BMP1: variants seen among roughly 807,000 people sequenced by gnomAD.
The protein encoded by BMP1 is mammalian tolloid protein.
In BMP1, 63 loss-of-function variants were observed where a neutral mutation model predicts 116.8. The observed-to-expected ratio is 0.54, with a 90% CI of 0.44 to 0.67. The LOEUF is 0.67. Ranked by LOEUF, BMP1 falls within the 30% of genes least tolerant of loss-of-function variation. The pLI, the probability that BMP1 is intolerant of heterozygous loss-of-function variation, is 0.00. For missense variants in BMP1, 1,183 were observed against 1,358.9 expected, an observed-to-expected ratio of 0.87 and a Z score of 2.04; for synonymous variants, 536 against 533.4, an observed-to-expected ratio of 1.00 and a Z score of -0.07.
intron 16 of BMP1, among the ~76,000 whole-genome samples, chr8:22,203,099 C>A (rs1399497532): frequency 6.6e-6 from 1 of 152,204 alleles, no homozygotes; most frequent in African/African-American, 2.4e-5. Context: ...CTTGATACCT[C>A]ACAGGCCCGC....
At chr8:22,176,091 G>T in intron 2 of BMP1, 52 bp from the exon 3 acceptor site, 2 of 1,576,630 alleles carry the variant, frequency 1.3e-6, no homozygotes. Flanking sequence ...CTATGCTTTT[G>T]CTTTCCTCCT....
chr8:22,204,750 G>GA (rs1350327697), intron 16 of BMP1, among the ~76,000 whole-genome samples: 5 of 98,226 alleles, frequency 5.1e-5, no homozygotes, highest in Non-Finnish European at 9.8e-5. Flanking sequence ...CCCGCAAAAA[G>GA]AAATTGAGTT....
chr8:22,195,039 T>G, intron 12 of BMP1, 120 bp downstream of exon 12: 1 of 1,150,288 alleles, frequency 8.7e-7, no homozygotes, highest in South Asian at 1.6e-5. Flanking sequence ...ACCCCAGGGC[T>G]GTGCCCTTAA....
At chr8:22,196,071 A>T (rs954105685) in intron 13 of BMP1, 14 of 403,850 alleles carry the variant, frequency 3.5e-5, no homozygotes, top group African/African-American at 2.9e-4. Flanking sequence ...GTCCCCCCGT[A>T]GGCCGCATTC....
At position 22,206,883 on chromosome 8, in the gene BMP1, A is replaced by G. The variant is rs1431200793; in HGVS notation, c.2263A>G (p.Ser755Gly). The G allele has an allele frequency of 1.9e-6, 3 of 1,614,150 alleles. No homozygotes were observed. Among genetic ancestry groups the G allele is most frequent in the South Asian group, 2.2e-5 (2 of 91,076 alleles). Residue 755 changes from serine to glycine, a missense_variant, in exon 17 of 20, where the codon AGT becomes GGT. By Grantham distance (56) the Ser-to-Gly change is moderately conservative. This residue lies in a region of BMP1 where 956 missense variants were observed against 1,135.2 expected (regional missense o/e 0.84). Coordinates refer to ENST00000306385, the MANE Select transcript of BMP1 (RefSeq NM_006129.5). ...CTGTGACCACAAGGTGACATCCACC[A>G]GTGGTACCATCACCAGCCCCAACTG... ...AGCDHKVTST[S>G]GTITSPNWPD...
Position 22,176,153 on chromosome 8 carries a change from C to T in BMP1, c.273C>T (p.Asn91=), listed in dbSNP as rs1230145882. ...KSSIKAAVPG[N]TSTPSCQSTN... ...GACTTCCTCTCTCAGTTCCAGGAAA[C>T]ACTTCTACCCCCAGCTGCCAGAGCA... The change falls in exon 3 of 20, where the codon AAC becomes AAT. Residue 91 remains asparagine (N), a synonymous_variant. Coordinates refer to ENST00000306385, the MANE Select transcript of BMP1 (RefSeq NM_006129.5). The T allele has an allele frequency of 6.2e-7, 1 of 1,614,130 alleles. No homozygotes were observed. The highest frequency in any genetic ancestry group is 8.5e-7 in the Non-Finnish European group (1 of 1,180,018).
At chr8:22,197,753 A>G (rs1829134061) in intron 15 of BMP1, among the ~76,000 whole-genome samples, 1 of 152,344 alleles carries the variant, frequency 6.6e-6, no homozygotes, top group African/African-American at 2.4e-5. Context: ...GGTCCTAGGA[A>G]CAGGCAGTTC....
At chr8:22,186,938 G>A (rs549983981) in intron 8 of BMP1, among the ~76,000 whole-genome samples, 1 of 152,298 alleles carries the variant, frequency 6.6e-6, no homozygotes, top group Non-Finnish European at 1.5e-5. Context: ...ATCATGTAGT[G>A]AGAACCCAAC....
In BMP1 at chr8:22,201,656, C is replaced by T. The variant is rs1001237572; in HGVS notation, c.2108-147C>T. On this transcript the variant is annotated intron_variant, in intron 15 of 19. Coordinates refer to ENST00000306385, the MANE Select transcript of BMP1 (RefSeq NM_006129.5). ...TGGACCCCCTTGTCGCCTGGCCTCC[C>T]ACTCCCGGCCACCTGGCCTGGCCAG... The T allele has an allele frequency of 1.4e-5, 20 of 1,410,224 alleles. No homozygotes were observed. The Admixed American group carries it at 2.9e-4, about 21-fold the overall frequency. 87.4% of individuals were successfully genotyped at this position (1,410,224 alleles called of 1,614,324 possible). A position where few individuals can be genotyped will look rare whatever the true frequency, so the allele number is the denominator to read the frequency against.
rs1031430951 is a variant in BMP1, at chr8:22,208,440, G to A, written c.2575+924G>A. On this transcript the variant is annotated intron_variant, in intron 18 of 19. Transcript: ENST00000306385. ...CGCAGTCCAGGAGAGAGACAAGGCA[G>A]GCACCGCCCGTGACAGCATGAGCCC... 4.6e-5 allele frequency among the ~76,000 whole-genome samples: 7 copies of A among 152,358 alleles called. No individual in the cohort carries two copies. The East Asian group carries it at 1.4e-3, about 29-fold the overall frequency.
chr8:22,195,604 T>C lies in BMP1; in HGVS notation c.1765+17T>C. 4 of 1,607,398 alleles carry C rather than the reference T, an allele frequency of 2.5e-6. No homozygotes were observed. The highest frequency in any genetic ancestry group is 3.4e-6 in the Non-Finnish European group (4 of 1,178,416). On this transcript the variant is annotated intron_variant, in intron 13 of 19. Transcript: ENST00000306385. ...GCTGTGAGGGTGAGTGCCCCCAGAC[T>C]GCCTCTGACCCTGTTCTTTCCCTGG...
In BMP1 at chr8:22,208,928, T is replaced by A. The variant is rs1180528345; in HGVS notation, c.2576-517T>A. On this transcript the variant is annotated intron_variant, in intron 18 of 19. Transcript: ENST00000306385. The stretch of plus-strand genomic sequence containing the variant: ...AGGAGGGTGGCCCCATGCACTGTCC[T>A]CTGCCCTTCCCAGCACAGGGTCACA... Among the ~76,000 whole-genome samples, 3 of 152,338 alleles carry A rather than the reference T, an allele frequency of 2.0e-5. 1 individual carries two copies. The highest frequency in any genetic ancestry group is 3.4e-3 in the Middle Eastern group (1 of 294).
At chr8:22,207,604 C>T (rs567628955) in intron 18 of BMP1, 88 bp downstream of exon 18, 19 of 1,455,490 alleles carry the variant, frequency 1.3e-5, no homozygotes, top group Non-Finnish European at 1.8e-5. Context: ...TATGAAGGTA[C>T]AGAGGGACTG....
chr8:22,201,947 G>T lies in BMP1; in HGVS notation c.2233+19G>T. 1.2e-6 allele frequency: 2 copies of T among 1,601,366 alleles called. No homozygotes were observed. Among genetic ancestry groups the T allele is most frequent in the Non-Finnish European group, 8.5e-7 (1 of 1,173,146 alleles). ...AAAGAAGGTACGGGCTGCATGCCAG[G>T]GGCATCTGGGCTTGAAGGACCTGCT... On this transcript the variant is annotated intron_variant, in intron 16 of 19. Transcript: ENST00000306385.
At chr8:22,197,102 C>T (rs547124991) in intron 14 of BMP1, 138 bp from the exon 15 acceptor site, 29 of 1,181,338 alleles carry the variant, frequency 2.5e-5, no homozygotes, top group African/African-American at 2.2e-4. Flanking sequence ...GCTGGCTTGG[C>T]GAGTACAGGA....
intron 5 of BMP1, 40 bp from the exon 6 acceptor site, chr8:22,177,812 C>G (rs1828493624): frequency 6.8e-7 from 1 of 1,471,640 alleles, no homozygotes; most frequent in Non-Finnish European, 9.4e-7. Context: ...GCAGACCCAC[C>G]CCCTCCTCTC....
chr8:22,206,828 C>A, intron 16 of BMP1, 26 bp from the exon 17 acceptor site: 2 of 1,613,924 alleles, frequency 1.2e-6, no homozygotes, highest in African/African-American at 1.3e-5. Context: ...CCTCTCTATC[C>A]CCTTCCGTCA....
At position 22,209,279 on chromosome 8, in the gene BMP1, G is replaced by C. The variant is rs144480350; in HGVS notation, c.2576-166G>C. Among the ~76,000 whole-genome samples, 717 of 152,284 alleles carry C rather than the reference G, an allele frequency of 4.7e-3. 5 individuals carry two copies. Among genetic ancestry groups the C allele is most frequent in the Middle Eastern group, 0.01 (3 of 294 alleles). On this transcript the variant is annotated intron_variant, in intron 18 of 19. Coordinates refer to ENST00000306385, the MANE Select transcript of BMP1 (RefSeq NM_006129.5). ...GCCAAGGTCCCTCTATTTAGAGATG[G>C]GGCAGCACAGCAATGTTCTGGGCCA... is the stretch of plus-strand genomic sequence containing the variant.
At chr8:22,200,325 G>A (rs971843263) in intron 15 of BMP1, among the ~76,000 whole-genome samples, 8 of 152,180 alleles carry the variant, frequency 5.3e-5, no homozygotes, top group Non-Finnish European at 1.0e-4. Flanking sequence ...CTGCCTTTAC[G>A]CGTGACTTTG....
Sources: allele counts gnomAD v4.1 joint callset (sites outside exome capture counted in the v4.1 genomes callset), GRCh38; gene constraint gnomAD v4.1.1; regional missense constraint gnomAD v4.1.1; transcripts MANE v1.5; gene names NCBI Gene and HGNC (gene_info 2026-07-23, HGNC 2026-07-21).